The following RIN3 variants were observed in gnomAD, a reference collection of about 807,000 sequenced individuals.
The protein encoded by RIN3 is Ras and Rab interactor 3, also known as RAB5 interacting protein 3.
A neutral mutation model predicts 76.3 loss-of-function variants in RIN3; 54 were observed. The observed-to-expected ratio is 0.71, with a 90% CI of 0.57 to 0.89. The LOEUF is 0.89. Among genes scored for constraint, RIN3 ranks in the 40% least tolerant of loss-of-function variants. RIN3 has a pLI of 0.00. For synonymous variants in RIN3, 576 were observed against 564.0 expected (o/e 1.02, Z -0.30); for missense variants, 1,256 against 1,322.1 (o/e 0.95, Z 0.78).
chr14:92,634,983 A>T (rs1397993229), intron 4 of RIN3, among the ~76,000 whole-genome samples: 2 of 152,094 alleles, frequency 1.3e-5, no homozygotes, highest in East Asian at 3.9e-4. Context: ...CAGTCTGCAG[A>T]GTATAAATGG....
rs1373555642 is a variant in RIN3, at chr14:92,513,908, TC to T, written c.-21del. ...CGGCCCGGCGCCTGAGCGCCTCCGT[TC>T]CCCGTCCCGGAGCTGCCGGCGGCAT... On this transcript the variant is annotated 5_prime_UTR_variant, in exon 1 of 10. Coordinates refer to ENST00000216487, the MANE Select transcript of RIN3 (RefSeq NM_024832.5). 8.0e-7 allele frequency: 1 copy of T among 1,253,914 alleles called. No homozygotes were observed. Among genetic ancestry groups the T allele is most frequent in the Non-Finnish European group, 1.0e-6 (1 of 999,374 alleles). 77.7% of individuals were successfully genotyped at this position (1,253,914 alleles called of 1,614,324 possible). A position where few individuals can be genotyped will look rare whatever the true frequency, so the allele number is the denominator to read the frequency against.
chr14:92,559,963 G>C (rs1897714180), intron 2 of RIN3, among the ~76,000 whole-genome samples: 1 of 152,218 alleles, frequency 6.6e-6, no homozygotes, highest in Non-Finnish European at 1.5e-5. Context: ...TTGTTCACTG[G>C]GACAAATGAA....
chr14:92,604,528 A>C (rs1017787279), intron 3 of RIN3, among the ~76,000 whole-genome samples: 6 of 152,020 alleles, frequency 3.9e-5, no homozygotes, highest in African/African-American at 1.5e-4. Flanking sequence ...TTTTTCTCCA[A>C]GCATTGAGCC....
At chr14:92,641,740 T>C (rs1887023901) in intron 5 of RIN3, among the ~76,000 whole-genome samples, 1 of 152,190 alleles carries the variant, frequency 6.6e-6, no homozygotes, top group Non-Finnish European at 1.5e-5. Context: ...GTGTGGCCCT[T>C]GCGGGTCCTG....
intron 1 of RIN3, among the ~76,000 whole-genome samples, chr14:92,526,474 G>A (rs1896733851): frequency 6.7e-6 from 1 of 150,290 alleles, no homozygotes; most frequent in African/African-American, 2.5e-5. Flanking sequence ...AAATAAATGG[G>A]CCGGGCGCAG....
chr14:92,652,832 C>G lies in RIN3; in HGVS notation c.1783C>G (p.Leu595Val), dbSNP rs1311298372. 1 of 1,614,102 alleles carries G rather than the reference C, an allele frequency of 6.2e-7. No individual in the cohort carries two copies. Among genetic ancestry groups the G allele is most frequent in the Non-Finnish European group, 8.5e-7 (1 of 1,180,038 alleles). Residue 595 changes from leucine to valine, a missense_variant, in exon 6 of 10, where the codon CTC (leucine) becomes GTC (valine). By Grantham distance (32) the Leu-to-Val change is conservative. Coordinates refer to ENST00000216487, the MANE Select transcript of RIN3 (RefSeq NM_024832.5). The surrounding 1 kb of genome is among the most constrained non-coding windows in gnomAD (Gnocchi z 6.4). ...TTTCAGCAGCATGTTCCACGCTTTC[C>G]TCTCCAACAACCGCAAGCTGTACAA... ...ASFSSMFHAF[L>V]SNNRKLYKKV...
chr14:92,563,565 G>C (rs1033596357), intron 2 of RIN3, among the ~76,000 whole-genome samples: 2 of 152,140 alleles, frequency 1.3e-5, no homozygotes, highest in Non-Finnish European at 2.9e-5. Flanking sequence ...AAACCAGCCT[G>C]AGTCATATGG....
At chr14:92,541,993 T>C (rs749879773) in intron 1 of RIN3, among the ~76,000 whole-genome samples, 2 of 152,184 alleles carry the variant, frequency 1.3e-5, no homozygotes, top group Admixed American at 6.5e-5. Context: ...GGGGAAGATA[T>C]ACAAATGGCC....
chr14:92,580,912 G>A (rs889938674), intron 3 of RIN3, among the ~76,000 whole-genome samples: 3 of 152,370 alleles, frequency 2.0e-5, no homozygotes, highest in African/African-American at 7.2e-5. Context: ...CAGCATCTGG[G>A]TTTTGAACTG....
At chr14:92,602,213 T>C (rs1021924796) in intron 3 of RIN3, among the ~76,000 whole-genome samples, 2 of 152,188 alleles carry the variant, frequency 1.3e-5, no homozygotes, top group African/African-American at 4.8e-5. Context: ...CATGATGTGC[T>C]GTAATCAGCT....
chr14:92,633,475 T>A (rs919991176), intron 4 of RIN3, among the ~76,000 whole-genome samples: 1 of 152,196 alleles, frequency 6.6e-6, no homozygotes, highest in Non-Finnish European at 1.5e-5. Context: ...TGGCTGGGCA[T>A]CCTTGCCCTA....
chr14:92,547,675 T>C (rs2104241), intron 1 of RIN3, among the ~76,000 whole-genome samples: 43,399 of 151,510 alleles, frequency 0.29, 6,714 homozygotes, highest in Middle Eastern at 0.4. Context: ...AGATTGCAGG[T>C]GTGAATCACT....
intron 7 of RIN3, among the ~76,000 whole-genome samples, chr14:92,666,270 C>T (rs779554620): frequency 6.6e-6 from 1 of 152,150 alleles, no homozygotes; most frequent in Non-Finnish European, 1.5e-5. Context: ...TAGGGCGGGC[C>T]GCTAGCAAGA....
At chr14:92,686,061 G>A (rs1888846372) in intron 9 of RIN3, 1 of 152,412 alleles carries the variant, frequency 6.6e-6, no homozygotes, top group Non-Finnish European at 1.5e-5. Context: ...TGTAAAAAAG[G>A]GTGAGAGTTG....
chr14:92,576,087 G>A (rs1258488969), intron 2 of RIN3: 1 of 493,498 alleles, frequency 2.0e-6, no homozygotes, highest in Non-Finnish European at 3.2e-6. Flanking sequence ...GCAGGGAGGG[G>A]AAGACATGGA....
At chr14:92,624,484 C>A (rs922070823) in intron 4 of RIN3, among the ~76,000 whole-genome samples, 4 of 152,114 alleles carry the variant, frequency 2.6e-5, no homozygotes, top group Admixed American at 6.5e-5. Flanking sequence ...GCTTTAGAAC[C>A]GCTAGCGGGA....
At chr14:92,552,241 C>T (rs1897447099) in intron 1 of RIN3, among the ~76,000 whole-genome samples, 1 of 152,174 alleles carries the variant, frequency 6.6e-6, no homozygotes, top group Admixed American at 6.5e-5. Flanking sequence ...GAGCCTGGGG[C>T]AGAGTTTCCA....
chr14:92,515,236 A>G, intron 1 of RIN3: 1 of 700,550 alleles, frequency 1.4e-6, no homozygotes, highest in South Asian at 1.5e-5. Flanking sequence ...TCCGGTGGGA[A>G]GAACTGGGAA....
intron 2 of RIN3, among the ~76,000 whole-genome samples, chr14:92,565,992 G>A (rs755115377): frequency 2.0e-5 from 3 of 152,238 alleles, no homozygotes; most frequent in Non-Finnish European, 4.4e-5. Flanking sequence ...TCTGACAGAA[G>A]TATGACATAT....
Sources: gnomAD v4.1 joint callset for allele counts (sites outside exome capture counted in the v4.1 genomes callset) on GRCh38, gnomAD v4.1.1 for gene constraint, Gnocchi (gnomAD v3.1) non-coding constraint, MANE v1.5 for transcripts, NCBI Gene and HGNC (gene_info 2026-07-23, HGNC 2026-07-21) for gene names.